ROBO1: variants seen among roughly 807,000 people sequenced by gnomAD.
ROBO1 encodes the protein roundabout guidance receptor 1.
In ROBO1, 149 loss-of-function variants were observed where a neutral mutation model predicts 195.9. The ratio of observed to expected loss-of-function variants is 0.76; its 90% confidence interval spans 0.67 to 0.87. The LOEUF (loss-of-function observed/expected upper bound fraction) is 0.87. ROBO1 is among the 40% of genes least tolerant of loss of function. The pLI is 0.00. For missense variants in ROBO1, 1,933 were observed against 2,068.3 expected (o/e 0.93, Z 1.27); for synonymous variants, 816 against 733.2 (o/e 1.11, Z -1.82).
intron 2 of ROBO1, among the ~76,000 whole-genome samples, chr3:79,464,545 A>G (rs547397058): frequency 6.6e-6 from 1 of 152,282 alleles, no homozygotes; most frequent in South Asian, 2.1e-4. Flanking sequence ...CTTATCAGCC[A>G]TTGTGTATCT....
intron 5 of ROBO1, among the ~76,000 whole-genome samples, chr3:78,724,527 A>C (rs1158461359): frequency 6.6e-6 from 1 of 151,104 alleles, no homozygotes; most frequent in African/African-American, 2.4e-5. Flanking sequence ...AAAAAAAAAA[A>C]AAAAAAAAGC....
chr3:79,200,446 C>T (rs978385213), intron 2 of ROBO1, among the ~76,000 whole-genome samples: 2 of 151,424 alleles, frequency 1.3e-5, no homozygotes, highest in African/African-American at 2.4e-5. Context: ...ATATATGATT[C>T]TCGGTACCTT....
intron 3 of ROBO1, among the ~76,000 whole-genome samples, chr3:78,986,178 G>T (rs1269912261): frequency 1.3e-5 from 2 of 152,070 alleles, no homozygotes; most frequent in Non-Finnish European, 2.9e-5. Flanking sequence ...AGCCAAAAGG[G>T]AATGATAGGC....
intron 4 of ROBO1, among the ~76,000 whole-genome samples, chr3:78,849,830 T>TTACACATA (rs201665469): frequency 9.8e-6 from 1 of 102,318 alleles, no homozygotes; most frequent in Non-Finnish European, 1.8e-5. Flanking sequence ...CTCTCTCCCA[T>TTACACATA]TACACACACA....
intron 4 of ROBO1, among the ~76,000 whole-genome samples, chr3:78,930,892 C>A (rs951827560): frequency 6.6e-6 from 1 of 152,274 alleles, no homozygotes; most frequent in Admixed American, 6.5e-5. Context: ...TCCTGACACC[C>A]CACCATTGCA....
intron 2 of ROBO1, among the ~76,000 whole-genome samples, chr3:79,379,615 C>G (rs2036501882): frequency 6.6e-6 from 1 of 152,178 alleles, no homozygotes; most frequent in South Asian, 2.1e-4. Flanking sequence ...CACTTTTGCA[C>G]TTACATCGTA....
chr3:79,730,203 C>T (rs1194115791), intron 1 of ROBO1, among the ~76,000 whole-genome samples: 2 of 152,100 alleles, frequency 1.3e-5, no homozygotes, highest in African/African-American at 4.8e-5. Flanking sequence ...ATACTTTTTC[C>T]TCTAGGATAT....
At chr3:79,035,145 GTTTATA>G (rs2078360962) in intron 3 of ROBO1, among the ~76,000 whole-genome samples, 1 of 151,810 alleles carries the variant, frequency 6.6e-6, no homozygotes, top group Admixed American at 6.6e-5. Flanking sequence ...TTTTCAGTAT[GTTTATA>G]TTTATTTTTA....
chr3:78,684,719 G>T (rs947187885), intron 10 of ROBO1, among the ~76,000 whole-genome samples: 1 of 151,982 alleles, frequency 6.6e-6, no homozygotes, highest in East Asian at 1.9e-4. Flanking sequence ...TAGATACAGA[G>T]ATAAAGAAAG....
chr3:79,669,670 A>G lies in ROBO1; in HGVS notation c.-50-79709T>C, dbSNP rs548145167. 3.3e-5 allele frequency among the ~76,000 whole-genome samples: 5 copies of G among 152,004 alleles called. No homozygotes were observed. In the South Asian group the frequency reaches 1.0e-3, roughly 32 times the overall value. On this transcript the variant is annotated intron_variant, in intron 1 of 30. Transcript: ENST00000464233. The stretch of plus-strand genomic sequence containing the variant: ...CACTGAAGCTCACATTTCTCAGAAT[A>G]TATCTCCATCTGTAGTGATGCATCA...
At chr3:79,158,124 C>T (rs1448839736) in intron 2 of ROBO1, among the ~76,000 whole-genome samples, 1 of 151,622 alleles carries the variant, frequency 6.6e-6, no homozygotes, top group African/African-American at 2.4e-5. Context: ...TCTCAACACT[C>T]CTGCCAAAAA....
In ROBO1 at chr3:78,938,925, A is replaced by G; in HGVS notation, c.175T>C (p.Ser59Pro). ...NDDNSLGYTG[S>P]RLRQEDFPPR... ...GGAAAATCTTCCTGACGAAGACGGG[A>G]GCCTGCAGAAGAATTCACAAAATAT... is the stretch of plus-strand genomic sequence containing the variant. The change falls in exon 4 of 31, where the codon TCC becomes CCC. Residue 59 changes from serine to proline, a missense_variant and splice_region_variant. Around this residue, in one of 3 missense-constraint regions of ROBO1, gnomAD observed 185 missense variants for 159.5 expected, o/e 1.16. Transcript: ENST00000464233. 2 of 1,595,976 alleles carry G rather than the reference A, an allele frequency of 1.3e-6. No individual in the cohort carries two copies. Among genetic ancestry groups the G allele is most frequent in the Non-Finnish European group, 1.7e-6 (2 of 1,172,220 alleles).
At chr3:79,464,803 A>T (rs1937864569) in intron 2 of ROBO1, among the ~76,000 whole-genome samples, 1 of 152,144 alleles carries the variant, frequency 6.6e-6, no homozygotes, top group Non-Finnish European at 1.5e-5. Context: ...AAGGATTATG[A>T]TCAATACTCT....
chr3:78,602,301 T>C (rs1435312175), intron 29 of ROBO1, among the ~76,000 whole-genome samples: 3 of 152,096 alleles, frequency 2.0e-5, no homozygotes. Flanking sequence ...TCTCTCTCTC[T>C]CTTGCTCCTG....
intron 2 of ROBO1, among the ~76,000 whole-genome samples, chr3:79,491,285 C>T (rs1275288142): frequency 2.7e-5 from 4 of 149,542 alleles, no homozygotes; most frequent in Non-Finnish European, 4.4e-5. Context: ...TGATTAAATA[C>T]TTGACTACAA....
intron 1 of ROBO1, among the ~76,000 whole-genome samples, chr3:79,601,653 A>G (rs888513234): frequency 1.3e-5 from 2 of 151,958 alleles, no homozygotes; most frequent in African/African-American, 4.8e-5. Flanking sequence ...AATACTCATA[A>G]AGTCTATGTG....
At chr3:79,605,372 GT>G (rs1187043747) in intron 1 of ROBO1, among the ~76,000 whole-genome samples, 1 of 151,328 alleles carries the variant, frequency 6.6e-6, no homozygotes, top group Non-Finnish European at 1.5e-5. Context: ...TAGTCTCTGT[GT>G]GCTAGTATTT....
At chr3:78,664,805 C>G (rs1258396288) in intron 14 of ROBO1, among the ~76,000 whole-genome samples, 1 of 152,162 alleles carries the variant, frequency 6.6e-6, no homozygotes, top group Non-Finnish European at 1.5e-5. Flanking sequence ...TTTCTCCTTG[C>G]TGTGTTTGCC....
At chr3:78,822,057 A>G (rs750407892) in intron 4 of ROBO1, among the ~76,000 whole-genome samples, 1 of 151,530 alleles carries the variant, frequency 6.6e-6, no homozygotes, top group Non-Finnish European at 1.5e-5. Context: ...GCTGATGTAT[A>G]ATTATACATC....
Sources: gnomAD v4.1 joint callset for allele counts (sites outside exome capture counted in the v4.1 genomes callset) on GRCh38, gnomAD v4.1.1 for gene constraint, gnomAD v4.1.1 regional missense constraint, MANE v1.5 for transcripts, NCBI Gene and HGNC (gene_info 2026-07-23, HGNC 2026-07-21) for gene names.